Variants in LHFPL6 observed in about 807,000 individuals in gnomAD.
LHFPL6 encodes LHFPL tetraspan subfamily member 6 protein.
In LHFPL6, 9 loss-of-function variants were observed where a neutral mutation model predicts 20.6. The observed-to-expected ratio is 0.44, with a 90% CI of 0.26 to 0.76. LHFPL6 has a LOEUF of 0.76. Ranked by LOEUF, LHFPL6 falls within the 30% of genes least tolerant of loss-of-function variation. The probability of loss-of-function intolerance (pLI) is 0.20; values close to 1 mark genes in which losing one functional copy is unlikely to be tolerated. For synonymous variants in LHFPL6, 105 were observed against 98.7 expected, an observed-to-expected ratio of 1.06 and a Z score of -0.38; for missense variants, 218 against 253.5, an observed-to-expected ratio of 0.86 and a Z score of 0.95.
chr13:39,469,317 C>T (rs1872885780), intron 2 of LHFPL6, among the ~76,000 whole-genome samples: 2 of 152,214 alleles, frequency 1.3e-5, no homozygotes. Context: ...GCTCTATCTC[C>T]GCCCTCTCCT....
chr13:39,554,272 C>G (rs906119353), intron 2 of LHFPL6, among the ~76,000 whole-genome samples: 6 of 152,116 alleles, frequency 3.9e-5, no homozygotes, highest in Admixed American at 2.6e-4. Flanking sequence ...TCTGCCATAC[C>G]ACAAGTAAAA....
At chr13:39,419,799 T>C (rs1871434661) in intron 2 of LHFPL6, among the ~76,000 whole-genome samples, 1 of 152,158 alleles carries the variant, frequency 6.6e-6, no homozygotes, top group South Asian at 2.1e-4. Flanking sequence ...TTTCTATCTT[T>C]TCCTGAGAGT....
intron 2 of LHFPL6, among the ~76,000 whole-genome samples, chr13:39,557,645 A>G (rs1353089615): frequency 1.3e-5 from 2 of 152,252 alleles, no homozygotes; most frequent in Non-Finnish European, 2.9e-5. Flanking sequence ...TGTGGGGGCC[A>G]CATGCAGAAA....
chr13:39,600,520 G>A (rs760198436), intron 2 of LHFPL6, among the ~76,000 whole-genome samples: 13 of 152,198 alleles, frequency 8.5e-5, no homozygotes, highest in Admixed American at 3.9e-4. Context: ...TTAACATAAC[G>A]AACAAGAAGC....
At chr13:39,362,419 T>C (rs1477061767) in intron 3 of LHFPL6, among the ~76,000 whole-genome samples, 1 of 152,252 alleles carries the variant, frequency 6.6e-6, no homozygotes. Context: ...TTAAACCTTT[T>C]TTCTTTAAAA....
At chr13:39,404,519 T>C (rs573087239) in intron 2 of LHFPL6, among the ~76,000 whole-genome samples, 113 of 152,318 alleles carry the variant, frequency 7.4e-4, no homozygotes, top group African/African-American at 2.6e-3. Context: ...CCACAGCCTA[T>C]ACAAATTAAA....
chr13:39,440,091 C>T (rs1341581248), intron 2 of LHFPL6, among the ~76,000 whole-genome samples: 1 of 152,116 alleles, frequency 6.6e-6, no homozygotes, highest in East Asian at 1.9e-4. Flanking sequence ...GAAGTCTCAT[C>T]ATGGTTTAAA....
chr13:39,567,398 C>A (rs1334231060), intron 2 of LHFPL6, among the ~76,000 whole-genome samples: 2 of 152,140 alleles, frequency 1.3e-5, no homozygotes, highest in Non-Finnish European at 2.9e-5. Context: ...AGACTATAAG[C>A]ATAGGAAAAT....
chr13:39,569,628 T>C (rs1161524192), intron 2 of LHFPL6, among the ~76,000 whole-genome samples: 1 of 152,178 alleles, frequency 6.6e-6, no homozygotes, highest in Non-Finnish European at 1.5e-5. Flanking sequence ...ATACTACAGG[T>C]ATAAAGTGTC....
chr13:39,390,403 C>T (rs1161731755), intron 2 of LHFPL6, among the ~76,000 whole-genome samples: 3 of 152,038 alleles, frequency 2.0e-5, no homozygotes, highest in Non-Finnish European at 4.4e-5. Flanking sequence ...GTGGCTGAGG[C>T]AGGAGGATTG....
chr13:39,403,232 C>T (rs982729307), intron 2 of LHFPL6, among the ~76,000 whole-genome samples: 4 of 152,152 alleles, frequency 2.6e-5, no homozygotes, highest in Non-Finnish European at 5.9e-5. Context: ...AGACAATTTG[C>T]CTGTTTATAA....
At chr13:39,589,353 C>A (rs1427889772) in intron 2 of LHFPL6, among the ~76,000 whole-genome samples, 1 of 152,160 alleles carries the variant, frequency 6.6e-6, no homozygotes, top group Non-Finnish European at 1.5e-5. Context: ...GATCTGCCCA[C>A]CTCGGCCTCC....
intron 2 of LHFPL6, among the ~76,000 whole-genome samples, chr13:39,424,622 A>C (rs1473912007): frequency 2.0e-5 from 3 of 152,212 alleles, no homozygotes; most frequent in African/African-American, 7.2e-5. Context: ...GTAGTAAGAT[A>C]ACATCCAATT....
intron 2 of LHFPL6, among the ~76,000 whole-genome samples, chr13:39,422,098 G>A (rs1241609909): frequency 6.6e-6 from 1 of 152,210 alleles, no homozygotes; most frequent in Middle Eastern, 3.4e-3. Flanking sequence ...TTATTTCATT[G>A]TATTGCATTT....
rs1008166951 is a variant in LHFPL6 at position 39,510,399 on chromosome 13, T to G, written c.385+90433A>C. ...CCTGGGGCAAACTGAGGTGGCGATG[T>G]CTGTAGTAACTGCCAAGAGAGCTGT... is the stretch of plus-strand genomic sequence containing the variant. On this transcript the variant is annotated intron_variant, in intron 2 of 3. Coordinates refer to ENST00000379589, the MANE Select transcript of LHFPL6 (RefSeq NM_005780.3). Among the ~76,000 whole-genome samples, 6 of 152,332 alleles carry G rather than the reference T, an allele frequency of 3.9e-5. No individual in the cohort carries two copies. The South Asian group carries it at 6.2e-4, about 16-fold the overall frequency.
chr13:39,407,910 C>T (rs557534801), intron 2 of LHFPL6, among the ~76,000 whole-genome samples: 5 of 152,180 alleles, frequency 3.3e-5, no homozygotes, highest in Admixed American at 6.5e-5. Flanking sequence ...TGGAAAGAAA[C>T]GGGAGTTTTC....
rs1329630273 is a variant in LHFPL6 at position 39,343,455 on chromosome 13, T to C, written c.*481A>G. ...TATGTCTGTATGTGCTTGTGTGCTTTTGGGAGTGCCGTGACCTACAGGGAA... is the reference window on the plus strand; with the variant it reads ...TATGTCTGTATGTGCTTGTGTGCTTCTGGGAGTGCCGTGACCTACAGGGAA... On this transcript the variant is annotated 3_prime_UTR_variant, in exon 4 of 4. Coordinates refer to ENST00000379589, the MANE Select transcript of LHFPL6 (RefSeq NM_005780.3). 2 of 233,096 alleles carry C rather than the reference T, an allele frequency of 8.6e-6. No individual in the cohort carries two copies. Among genetic ancestry groups the C allele is most frequent in the Admixed American group, 1.1e-4 (2 of 17,758 alleles). 14.4% of individuals were successfully genotyped at this position (233,096 alleles called of 1,614,324 possible). A position where few individuals can be genotyped will look rare whatever the true frequency, so the allele number is the denominator to read the frequency against.
intron 2 of LHFPL6, among the ~76,000 whole-genome samples, chr13:39,522,238 C>A (rs923789509): frequency 6.6e-6 from 1 of 152,198 alleles, no homozygotes; most frequent in Non-Finnish European, 1.5e-5. Flanking sequence ...TCTTAAGAGG[C>A]AGTTGATATT....
chr13:39,538,403 A>T (rs1870693709), intron 2 of LHFPL6, among the ~76,000 whole-genome samples: 1 of 150,244 alleles, frequency 6.7e-6, no homozygotes, highest in Admixed American at 6.7e-5. Context: ...CCTTTGCACG[A>T]TTTCTTGCCA....
Sources: allele counts gnomAD v4.1 joint callset (sites outside exome capture counted in the v4.1 genomes callset), GRCh38; gene constraint gnomAD v4.1.1; transcripts MANE v1.5; gene names NCBI Gene and HGNC (gene_info 2026-07-23, HGNC 2026-07-21).